TRAPPC9: variants seen among roughly 807,000 people sequenced by gnomAD.
TRAPPC9 encodes trafficking protein particle complex subunit 9, also known as IKK2 binding protein.
A neutral mutation model predicts 124.0 loss-of-function variants in TRAPPC9; 83 were observed. The ratio of observed to expected loss-of-function variants is 0.67; its 90% confidence interval spans 0.56 to 0.80. The LOEUF (loss-of-function observed/expected upper bound fraction) is 0.80, where lower values mean the gene tolerates loss of function less well. TRAPPC9 is among the 30% of genes least tolerant of loss of function. The pLI is 0.00. For missense variants in TRAPPC9, 1,302 were observed against 1,508.3 expected (o/e 0.86, Z 2.27); for synonymous variants, 638 against 617.5 (o/e 1.03, Z -0.49).
At chr8:139,977,574 C>T (rs375098054) in intron 19 of TRAPPC9, among the ~76,000 whole-genome samples, 10 of 148,462 alleles carry the variant, frequency 6.7e-5, no homozygotes, top group African/African-American at 1.2e-4. Context: ...GCGGAGATCG[C>T]GCCACTGCAC....
chr8:140,333,714 C>G (rs1563952846), intron 9 of TRAPPC9, among the ~76,000 whole-genome samples: 1 of 152,152 alleles, frequency 6.6e-6, no homozygotes, highest in Non-Finnish European at 1.5e-5. Context: ...TTTAAATGCT[C>G]AAAATTGAAT....
At chr8:140,095,599 T>G (rs746266236) in intron 17 of TRAPPC9, 1 of 152,168 alleles carries the variant, frequency 6.6e-6, no homozygotes, top group African/African-American at 2.4e-5. Flanking sequence ...TTATGTGCCA[T>G]GAAAAATCAA....
intron 4 of TRAPPC9, among the ~76,000 whole-genome samples, chr8:140,427,396 CACA>C (rs2070467247): frequency 1.3e-5 from 2 of 152,018 alleles, no homozygotes; most frequent in Non-Finnish European, 2.9e-5. Flanking sequence ...CACACACACA[CACA>C]CACACATACA....
At position 139,804,671 on chromosome 8, in the gene TRAPPC9, ACCACCACCACACACAACCACCACCAC is replaced by A. The variant is rs1250699042; in HGVS notation, c.3056-72495_3056-72470del. Among the ~76,000 whole-genome samples the A allele has an allele frequency of 1.2e-3, 135 of 114,792 alleles. 11 individuals are homozygous for A. The highest frequency in any genetic ancestry group is 4.4e-3 in the African/African-American group (120 of 27,382). The allele number at this position is 114,792 out of a possible 152,430, so 75.3% of individuals were successfully genotyped here. A position where few individuals can be genotyped will look rare whatever the true frequency, so the allele number is the denominator to read the frequency against. On this transcript the variant is annotated intron_variant, in intron 21 of 22. Coordinates refer to ENST00000438773, the MANE Select transcript of TRAPPC9 (RefSeq NM_001160372.4). ...CCACCACCCACCACCGCCACCAAGCACCACCACCACACACAACCACCACCACCCACCACCACCACCCACCACCGGCA... is the reference window on the plus strand; with the variant it reads ...CCACCACCCACCACCGCCACCAAGCACCACCACCACCACCCACCACCGGCA...
chr8:140,425,781 C>A (rs1246272416), intron 5 of TRAPPC9, among the ~76,000 whole-genome samples: 1 of 152,160 alleles, frequency 6.6e-6, no homozygotes, highest in Non-Finnish European at 1.5e-5. Flanking sequence ...TGACTGTCCC[C>A]CAGATGCCTT....
At chr8:140,135,625 G>A (rs1417739165) in intron 17 of TRAPPC9, among the ~76,000 whole-genome samples, 1 of 152,210 alleles carries the variant, frequency 6.6e-6, no homozygotes, top group Non-Finnish European at 1.5e-5. Context: ...GTTACCAGGT[G>A]CTAGGAGTAT....
chr8:139,838,904 G>A (rs548338975), intron 21 of TRAPPC9, among the ~76,000 whole-genome samples: 7 of 152,200 alleles, frequency 4.6e-5, no homozygotes, highest in Non-Finnish European at 1.0e-4. Flanking sequence ...ATGTTACCAG[G>A]AGTGTAGCTG....
intron 17 of TRAPPC9, among the ~76,000 whole-genome samples, chr8:140,163,746 G>C (rs762454904): frequency 3.9e-5 from 6 of 152,274 alleles, no homozygotes; most frequent in South Asian, 2.1e-4. Flanking sequence ...GGGAGATAAG[G>C]GGGAGGGGAG....
chr8:140,399,967 TGGTAGTGAATAAGTCTCATGAG>T (rs2132398497), intron 6 of TRAPPC9, among the ~76,000 whole-genome samples: 1 of 152,336 alleles, frequency 6.6e-6, no homozygotes, highest in African/African-American at 2.4e-5. Flanking sequence ...ACTGTTCTTG[TGGTAGTGAATAAGTCTCATGAG>T]ATCTGTGTTT....
intron 21 of TRAPPC9, among the ~76,000 whole-genome samples, chr8:139,781,718 GTGTGTGTGCC>G (rs1403330386): frequency 3.9e-5 from 6 of 152,184 alleles, no homozygotes; most frequent in Non-Finnish European, 7.4e-5. Context: ...GTGTGTGTTT[GTGTGTGTGCC>G]TGTGTGTGCG....
chr8:139,787,948 G>A (rs1189759178), intron 21 of TRAPPC9, among the ~76,000 whole-genome samples: 1 of 152,164 alleles, frequency 6.6e-6, no homozygotes, highest in African/African-American at 2.4e-5. Flanking sequence ...AAAGAGCTTT[G>A]CAAGGCACGG....
chr8:139,793,852 A>T (rs989602565), intron 21 of TRAPPC9, among the ~76,000 whole-genome samples: 8 of 152,162 alleles, frequency 5.3e-5, no homozygotes, highest in African/African-American at 1.9e-4. Context: ...TGAAGGAGGG[A>T]GTGATATTTG....
intron 17 of TRAPPC9, among the ~76,000 whole-genome samples, chr8:140,193,677 A>G (rs2062556887): frequency 6.6e-6 from 1 of 151,538 alleles, no homozygotes; most frequent in Non-Finnish European, 1.5e-5. Context: ...TACTGCTAGA[A>G]AGTCCACTGG....
At chr8:139,985,041 C>G (rs1837158327) in intron 19 of TRAPPC9, among the ~76,000 whole-genome samples, 1 of 152,132 alleles carries the variant, frequency 6.6e-6, no homozygotes, top group East Asian at 1.9e-4. Flanking sequence ...ACGGGGCTTA[C>G]CACACAGCAA....
At chr8:140,372,491 A>C (rs1465454495) in intron 7 of TRAPPC9, among the ~76,000 whole-genome samples, 1 of 151,904 alleles carries the variant, frequency 6.6e-6, no homozygotes, top group East Asian at 1.9e-4. Context: ...ACCTGTCCAC[A>C]CACCCCTGCC....
At chr8:140,070,975 TC>T (rs985572259) in intron 17 of TRAPPC9, among the ~76,000 whole-genome samples, 2 of 151,924 alleles carry the variant, frequency 1.3e-5, no homozygotes, top group Non-Finnish European at 2.9e-5. Flanking sequence ...TTGGCAGCAC[TC>T]GGCCAGAAGC....
chr8:139,980,049 A>AT (rs557264472), intron 19 of TRAPPC9, among the ~76,000 whole-genome samples: 1 of 151,362 alleles, frequency 6.6e-6, no homozygotes, highest in Non-Finnish European at 1.5e-5. Context: ...TCCTGCAGGT[A>AT]CCCCCCAGTG....
intron 7 of TRAPPC9, among the ~76,000 whole-genome samples, chr8:140,394,985 T>A (rs2069046758): frequency 6.6e-6 from 1 of 152,170 alleles, no homozygotes; most frequent in Non-Finnish European, 1.5e-5. Context: ...AAATGAGAAG[T>A]ATGATCCAGC....
At chr8:140,430,620 A>G (rs1024169266) in intron 4 of TRAPPC9, among the ~76,000 whole-genome samples, 4 of 152,122 alleles carry the variant, frequency 2.6e-5, no homozygotes, top group African/African-American at 9.7e-5. Flanking sequence ...GCATCCCTCA[A>G]GTTCATGGAA....
Sources: gnomAD v4.1 joint callset for allele counts (sites outside exome capture counted in the v4.1 genomes callset) on GRCh38, gnomAD v4.1.1 for gene constraint, MANE v1.5 for transcripts, NCBI Gene and HGNC (gene_info 2026-07-23, HGNC 2026-07-21) for gene names.